Variants in FAM200B observed in about 807,000 individuals in gnomAD.
FAM200B encodes protein FAM200B.
Under a neutral mutation model 33.1 loss-of-function variants are expected in FAM200B, and 32 were observed. That is an observed-to-expected ratio of 0.97 (90% CI 0.73 to 1.30). The LOEUF (loss-of-function observed/expected upper bound fraction) is 1.30, where lower values mean the gene tolerates loss of function less well. FAM200B is among the 50% of genes most tolerant of loss of function. The pLI, the probability that FAM200B is intolerant of heterozygous loss-of-function variation, is 0.00. For missense variants in FAM200B, 741 were observed against 754.0 expected, an observed-to-expected ratio of 0.98 and a Z score of 0.20; for synonymous variants, 240 against 264.8, an observed-to-expected ratio of 0.91 and a Z score of 0.91.
In FAM200B at chr4:15,690,183, G is replaced by A. The variant is rs775550123; in HGVS notation, c.*1232G>A. The A allele has an allele frequency of 8.4e-5, 14 of 166,998 alleles. No homozygotes were observed. Among genetic ancestry groups the A allele is most frequent in the Non-Finnish European group, 1.3e-4 (9 of 68,102 alleles). 10.3% of individuals were successfully genotyped at this position (166,998 alleles called of 1,614,324 possible). A position where few individuals can be genotyped will look rare whatever the true frequency, so the allele number is the denominator to read the frequency against. On this transcript the variant is annotated 3_prime_UTR_variant, in exon 2 of 2. Transcript: ENST00000422728. ...AGAAACGGCATTGATGTTGCTTCAC[G>A]TTGCTGATGCTTAAGCAATGTATAT...
At chr4:15,680,675 C>A, upstream of FAM200B, among the ~76,000 whole-genome samples, 1 of 149,986 alleles carries the variant, frequency 6.7e-6, no homozygotes. Flanking sequence ...GACTCCGTCT[C>A]AAAAATTAAA....
At chr4:15,685,498 G>A (rs1022321334) in intron 1 of FAM200B, among the ~76,000 whole-genome samples, 2 of 152,102 alleles carry the variant, frequency 1.3e-5, no homozygotes, top group Non-Finnish European at 2.9e-5. Flanking sequence ...GAGTGATTAG[G>A]ATAGGGCAAT....
chr4:15,645,281 C>T, the FAM200B span, among the ~76,000 whole-genome samples: 2 of 152,050 alleles, frequency 1.3e-5, no homozygotes, highest in African/African-American at 2.4e-5. Context: ...TCCTACTATA[C>T]ATAACAGAAT....
chr4:15,689,098 T>A lies in FAM200B; in HGVS notation c.*147T>A. 1.6e-6 allele frequency: 1 copy of A among 619,584 alleles called. No individual in the cohort carries two copies. The highest frequency in any genetic ancestry group is 2.4e-6 in the Non-Finnish European group (1 of 410,906). 38.4% of individuals were successfully genotyped at this position (619,584 alleles called of 1,614,324 possible). On this transcript the variant is annotated 3_prime_UTR_variant, in exon 2 of 2. Coordinates refer to ENST00000422728, the MANE Select transcript of FAM200B (RefSeq NM_001145191.2). ...TTTAATAAAATTATTTTATGTTCAT[T>A]GAACAAAAATTTAATGAATTTCTGT...
chr4:15,688,387 G>A lies in FAM200B; in HGVS notation c.1410G>A (p.Trp470Ter). 3.2e-6 allele frequency: 5 copies of A among 1,549,372 alleles called. No homozygotes were observed. The South Asian group carries it at 6.0e-5, about 18-fold the overall frequency. Reference protein sequence around the residue: ...IQGFRKTLLLWQVRLKSNRPS... With the variant: ...IQGFRKTLLL ...GATTTCGAAAGACATTATTGTTATG[G>A]CAAGTAAGACTTAAAAGTAATCGTC... is the stretch of plus-strand genomic sequence containing the variant. The change falls in exon 2 of 2, where the codon TGG (tryptophan) becomes TGA (stop). Residue 470 changes from tryptophan (W) to a stop codon, truncating the protein, a stop_gained. Coordinates refer to ENST00000422728, the MANE Select transcript of FAM200B (RefSeq NM_001145191.2). LOFTEE classifies it high-confidence loss of function.
Position 15,688,105 on chromosome 4 carries a change from T to C in FAM200B, c.1128T>C (p.Asn376=). 6.4e-7 allele frequency: 1 copy of C among 1,551,342 alleles called. No homozygotes were observed. The highest frequency in any genetic ancestry group is 8.7e-7 in the Non-Finnish European group (1 of 1,146,770). ...LETFCSEIGT[N]HTHLLYHTKI... is the part of the protein sequence containing the mutation. ...CATTTTGTTCAGAGATTGGAACTAA[T>C]CATACCCACTTACTATATCATACCA... The change falls in exon 2 of 2, where the codon AAT becomes AAC. Residue 376 remains asparagine, a synonymous_variant. Coordinates refer to ENST00000422728, the MANE Select transcript of FAM200B (RefSeq NM_001145191.2).
At chr4:15,650,665 T>C in the FAM200B span, among the ~76,000 whole-genome samples, 2 of 115,806 alleles carry the variant, frequency 1.7e-5, no homozygotes, top group Non-Finnish European at 2.0e-5. Flanking sequence ...GACTTTCTTT[T>C]TTTTTTTTTT....
chr4:15,688,420 T>G lies in FAM200B; in HGVS notation c.1443T>G (p.Tyr481Ter), dbSNP rs749150027. The change falls in exon 2 of 2, where the codon TAT becomes TAG. Residue 481 changes from tyrosine to a stop codon, truncating the protein, a stop_gained. Transcript: ENST00000422728. LOFTEE classifies it high-confidence loss of function. ...QVRLKSNRPS[Y>*]YMFPRFLQHI... The stretch of plus-strand genomic sequence containing the variant: ...GACTTAAAAGTAATCGTCCTAGCTA[T>G]TACATGTTTCCAAGATTTTTGCAGC... 1.9e-6 allele frequency: 3 copies of G among 1,546,606 alleles called. No homozygotes were observed. Among genetic ancestry groups the G allele is most frequent in the Non-Finnish European group, 1.7e-6 (2 of 1,143,620 alleles).
chr4:15,656,103 G>A, the FAM200B span: 115 of 450,176 alleles, frequency 2.6e-4, 2 homozygotes, highest in South Asian at 1.6e-3. Flanking sequence ...CGCGGGTCAG[G>A]GATAGGCCCG....
chr4:15,653,704 G>C, the FAM200B span, among the ~76,000 whole-genome samples: 1 of 152,056 alleles, frequency 6.6e-6, no homozygotes, highest in Non-Finnish European at 1.5e-5. Flanking sequence ...TCAAAAGCCA[G>C]AGAGGATAAA....
the FAM200B span, among the ~76,000 whole-genome samples, chr4:15,661,307 A>G: frequency 6.6e-6 from 1 of 152,178 alleles, no homozygotes; most frequent in African/African-American, 2.4e-5. Context: ...GTAAAGCAAA[A>G]TGGGTTGGAG....
the FAM200B span, among the ~76,000 whole-genome samples, chr4:15,664,857 C>G: frequency 5.0e-4 from 76 of 152,224 alleles, no homozygotes; most frequent in African/African-American, 1.8e-3. Context: ...CCACTCCTGT[C>G]CTGCTCATCT....
the FAM200B span, among the ~76,000 whole-genome samples, chr4:15,664,338 G>T: frequency 1.3e-5 from 2 of 151,940 alleles, no homozygotes; most frequent in African/African-American, 4.8e-5. Flanking sequence ...CACCAAACCA[G>T]CTAGTCAGCA....
chr4:15,659,146 A>G, the FAM200B span, among the ~76,000 whole-genome samples: 1 of 152,208 alleles, frequency 6.6e-6, no homozygotes, highest in Non-Finnish European at 1.5e-5. Context: ...ACCCAGTAAA[A>G]TAATTAATTT....
upstream of FAM200B, among the ~76,000 whole-genome samples, chr4:15,679,174 T>C (rs1718106475): frequency 6.6e-6 from 1 of 151,494 alleles, no homozygotes; most frequent in Non-Finnish European, 1.5e-5. Context: ...GCGATTCTCC[T>C]GCCTCAGCCT....
the FAM200B span, among the ~76,000 whole-genome samples, chr4:15,654,180 A>G: frequency 1.3e-5 from 2 of 152,172 alleles, no homozygotes; most frequent in Non-Finnish European, 2.9e-5. Flanking sequence ...GTTCTGCATA[A>G]TGCTATGCAA....
chr4:15,676,692 CG>C (rs940748173), upstream of FAM200B, among the ~76,000 whole-genome samples: 1 of 148,306 alleles, frequency 6.7e-6, no homozygotes, highest in Non-Finnish European at 1.5e-5. Flanking sequence ...ATGAGTATTA[CG>C]GGGGGGAGGG....
the FAM200B span, chr4:15,655,172 C>G: frequency 2.2e-6 from 3 of 1,355,392 alleles, no homozygotes; most frequent in Admixed American, 4.8e-5. Flanking sequence ...CCGCCCGCAC[C>G]GCCCACAGCG....
the FAM200B span, chr4:15,655,546 A>G: frequency 4.7e-6 from 1 of 214,494 alleles, no homozygotes; most frequent in South Asian, 1.6e-4. Context: ...TGTCGTCTTC[A>G]TAAGCCGCAG....
Sources: gnomAD v4.1 joint callset for allele counts (sites outside exome capture counted in the v4.1 genomes callset) on GRCh38, gnomAD v4.1.1 for gene constraint, MANE v1.5 for transcripts, NCBI Gene and HGNC (gene_info 2026-07-23, HGNC 2026-07-21) for gene names.